The following FBXO9 variants were observed in gnomAD, a reference collection of about 807,000 sequenced individuals.
FBXO9 encodes the protein F-box only protein 9.
In FBXO9, 43 loss-of-function variants were observed where a neutral mutation model predicts 63.7. That is an observed-to-expected ratio of 0.67 (90% confidence interval 0.53 to 0.87). The LOEUF (loss-of-function observed/expected upper bound fraction) is 0.87, where lower values mean the gene tolerates loss of function less well. FBXO9 is among the 40% of genes least tolerant of loss of function. The pLI is 0.00. For synonymous variants in FBXO9, 156 were observed against 171.7 expected (o/e 0.91, Z 0.72); for missense variants, 442 against 533.2 (o/e 0.83, Z 1.68).
intron 5 of FBXO9, among the ~76,000 whole-genome samples, chr6:53,079,620 A>G (rs963672420): frequency 1.3e-5 from 2 of 152,144 alleles, no homozygotes; most frequent in Non-Finnish European, 1.5e-5. Flanking sequence ...ACTATCTCCC[A>G]AAACTCAATT....
At chr6:53,096,863 A>T (rs1027167817) in intron 12 of FBXO9, among the ~76,000 whole-genome samples, 1 of 152,208 alleles carries the variant, frequency 6.6e-6, no homozygotes, top group South Asian at 2.1e-4. Flanking sequence ...CTATGATCAC[A>T]CCACTGCACT....
intron 1 of FBXO9, among the ~76,000 whole-genome samples, chr6:53,069,884 T>A (rs970021112): frequency 6.6e-6 from 1 of 152,070 alleles, no homozygotes; most frequent in Admixed American, 6.6e-5. Context: ...CATGAGTACT[T>A]AGGGATTAAT....
At chr6:53,066,485 G>T (rs570416679) in intron 1 of FBXO9, among the ~76,000 whole-genome samples, 1 of 152,244 alleles carries the variant, frequency 6.6e-6, no homozygotes, top group Non-Finnish European at 1.5e-5. Flanking sequence ...CTTTGGTTTA[G>T]AATAAATTGT....
At chr6:53,095,723 C>A in intron 12 of FBXO9, 59 bp downstream of exon 12, 1 of 1,423,750 alleles carries the variant, frequency 7.0e-7, no homozygotes, top group South Asian at 1.4e-5. Flanking sequence ...TCGTATCCAG[C>A]TTAAGAATTT....
At chr6:53,086,258 T>C (rs998550204) in intron 7 of FBXO9, among the ~76,000 whole-genome samples, 17 of 152,246 alleles carry the variant, frequency 1.1e-4, no homozygotes, top group African/African-American at 3.6e-4. Flanking sequence ...TCAAAACATT[T>C]GATCAAAACA....
At chr6:53,089,929 C>G (rs1289450470) in intron 7 of FBXO9, among the ~76,000 whole-genome samples, 1 of 152,178 alleles carries the variant, frequency 6.6e-6, no homozygotes, top group African/African-American at 2.4e-5. Context: ...GCTTCTGACA[C>G]TTCTGTATTT....
intron 6 of FBXO9, among the ~76,000 whole-genome samples, chr6:53,081,564 C>T (rs1005018290): frequency 7.2e-5 from 11 of 152,210 alleles, no homozygotes; most frequent in East Asian, 5.8e-4. Flanking sequence ...TGAGGCACTG[C>T]GCCCAGCCCA....
intron 3 of FBXO9, among the ~76,000 whole-genome samples, 172 bp from the exon 4 acceptor site, chr6:53,076,314 A>T (rs1769106052): frequency 6.6e-6 from 1 of 152,186 alleles, no homozygotes; most frequent in East Asian, 1.9e-4. Flanking sequence ...ATTTAAGTCC[A>T]TGATCCAGTC....
Position 53,065,959 on chromosome 6 carries a change from C to A in FBXO9, c.3+167C>A, listed in dbSNP as rs1051600965. On this transcript the variant is annotated intron_variant, in intron 1 of 12. Transcript: ENST00000323557. ...GCCTGAGAAGGAGTGCGTCGGGGGG[C>A]GGGGGGTGCCAACCCTGGCTTCTCC... The A allele has an allele frequency of 6.5e-5, 75 of 1,145,186 alleles. No individual in the cohort carries two copies. The Middle Eastern group carries it at 1.3e-3, about 20-fold the overall frequency. 70.9% of individuals were successfully genotyped at this position (1,145,186 alleles called of 1,614,324 possible).
Position 53,100,661 on chromosome 6 carries a change from T to C in FBXO9, c.*2831T>C, listed in dbSNP as rs1196024787. On this transcript the variant is annotated 3_prime_UTR_variant, in exon 13 of 13. Coordinates refer to ENST00000323557, the MANE Select transcript of FBXO9 (RefSeq NM_033480.3). Reference sequence around the variant, plus strand: ...AACCACTCTCAACCTATGGTATTTATCTTTTGATTATTCTGTGCATCTATA... The same window carrying C: ...AACCACTCTCAACCTATGGTATTTACCTTTTGATTATTCTGTGCATCTATA... 2 of 152,144 alleles carry C rather than the reference T, an allele frequency of 1.3e-5. No individual in the cohort carries two copies. The highest frequency in any genetic ancestry group is 2.9e-5 in the Non-Finnish European group (2 of 68,014). The allele number at this position is 152,144 out of a possible 1,614,324, so 9.4% of individuals were successfully genotyped here. A position where few individuals can be genotyped will look rare whatever the true frequency, so the allele number is the denominator to read the frequency against.
chr6:53,068,654 GTTT>G lies in FBXO9; in HGVS notation c.4-2389_4-2387del, dbSNP rs55671320. Among the ~76,000 whole-genome samples the G allele has an allele frequency of 1.6e-3, 215 of 132,198 alleles. 1 individual carries two copies. The East Asian group carries it at 0.022, about 13-fold the overall frequency. The allele number at this position is 132,198 out of a possible 152,430, so 86.7% of individuals were successfully genotyped here. On this transcript the variant is annotated intron_variant, in intron 1 of 12. Coordinates refer to ENST00000323557, the MANE Select transcript of FBXO9 (RefSeq NM_033480.3). The stretch of plus-strand genomic sequence containing the variant: ...TCTTACGGAATATATATATATATGT[GTTT>G]TTTTTTTTTTTTTGAGACAGGGTCT...
intron 7 of FBXO9, chr6:53,092,056 C>T (rs560534066): frequency 4.3e-4 from 82 of 189,790 alleles, no homozygotes; most frequent in African/African-American, 1.4e-3. Context: ...GCCCACCAGT[C>T]ACACTTCTGC....
chr6:53,093,292 G>C (rs1042321697), intron 9 of FBXO9, 174 bp from the exon 10 acceptor site: 4 of 474,342 alleles, frequency 8.4e-6, no homozygotes, highest in Non-Finnish European at 1.5e-5. Context: ...GTTCTTTGTT[G>C]CTGGACTAAC....
At chr6:53,075,699 A>T (rs1198907399) in intron 3 of FBXO9, among the ~76,000 whole-genome samples, 2 of 130,838 alleles carry the variant, frequency 1.5e-5, no homozygotes, top group Non-Finnish European at 3.2e-5. Flanking sequence ...ATATCTGTTG[A>T]TGTCTTTTCT....
intron 1 of FBXO9, among the ~76,000 whole-genome samples, chr6:53,070,074 A>G (rs1258131110): frequency 5.2e-5 from 7 of 133,436 alleles, no homozygotes; most frequent in Admixed American, 5.1e-4. Context: ...GCTGGAGTGC[A>G]ATGGTGCAGT....
chr6:53,082,940 T>C (rs2127494440), intron 7 of FBXO9, among the ~76,000 whole-genome samples: 1 of 152,340 alleles, frequency 6.6e-6, no homozygotes, highest in East Asian at 1.9e-4. Flanking sequence ...TTACACTAAC[T>C]GTAAACTCAT....
At position 53,097,998 on chromosome 6, in the gene FBXO9, TG is replaced by T. The variant is rs2127501631; in HGVS notation, c.*169del. 6.2e-6 allele frequency: 1 copy of T among 161,584 alleles called. No homozygotes were observed. The highest frequency in any genetic ancestry group is 1.6e-4 in the East Asian group (1 of 6,074). 10.0% of individuals were successfully genotyped at this position (161,584 alleles called of 1,614,324 possible). A position where few individuals can be genotyped will look rare whatever the true frequency, so the allele number is the denominator to read the frequency against. ...TATGGAATTGGAACTTATTTTAAAT[TG>T]TTGGAGTTCTTTTAAGAAGAATATA... On this transcript the variant is annotated 3_prime_UTR_variant, in exon 13 of 13. Coordinates refer to ENST00000323557, the MANE Select transcript of FBXO9 (RefSeq NM_033480.3).
Position 53,071,013 on chromosome 6 carries a change from G to A in FBXO9, c.4-44G>A, listed in dbSNP as rs1055077886. 2.6e-6 allele frequency: 4 copies of A among 1,553,656 alleles called. No homozygotes were observed. The South Asian group carries it at 3.6e-5, about 14-fold the overall frequency. On this transcript the variant is annotated intron_variant, in intron 1 of 12. Coordinates refer to ENST00000323557, the MANE Select transcript of FBXO9 (RefSeq NM_033480.3). Reference sequence around the variant, plus strand: ...GAAATGTAGATTGCAGAGGGCAACTGGTGTGTTTATATGCCTGACATTATT... The same window carrying A: ...GAAATGTAGATTGCAGAGGGCAACTAGTGTGTTTATATGCCTGACATTATT...
At chr6:53,096,029 A>C (rs1763200456) in intron 12 of FBXO9, among the ~76,000 whole-genome samples, 1 of 152,224 alleles carries the variant, frequency 6.6e-6, no homozygotes, top group Non-Finnish European at 1.5e-5. Context: ...TCCCACAGTT[A>C]CCATTTTTTG....
Sources: allele counts gnomAD v4.1 joint callset (sites outside exome capture counted in the v4.1 genomes callset), GRCh38; gene constraint gnomAD v4.1.1; transcripts MANE v1.5; gene names NCBI Gene and HGNC (gene_info 2026-07-23, HGNC 2026-07-21).